SLC39A9: variants seen among roughly 807,000 people sequenced by gnomAD.
The protein encoded by SLC39A9 is solute carrier family 39 member 9, also known as zinc transporter ZIP9.
Under a neutral mutation model 28.4 loss-of-function variants are expected in SLC39A9, and 14 were observed. The ratio of observed to expected loss-of-function variants is 0.49; its 90% CI spans 0.33 to 0.77. SLC39A9 has a LOEUF of 0.77. Ranked by LOEUF, SLC39A9 falls within the 30% of genes least tolerant of loss-of-function variation. SLC39A9 has a pLI of 0.02. For missense variants in SLC39A9, 283 were observed against 381.1 expected (o/e 0.74, Z 2.14); for synonymous variants, 119 against 149.6 (o/e 0.80, Z 1.49).
At chr14:69,428,988 A>C (rs1050723689) in intron 2 of SLC39A9, 11 of 152,322 alleles carry the variant, frequency 7.2e-5, no homozygotes, top group African/African-American at 2.7e-4. Context: ...TGCTCTCATC[A>C]GACAAGGGCA....
chr14:69,458,266 C>T lies in SLC39A9; in HGVS notation c.694-97C>T, dbSNP rs747169093. On this transcript the variant is annotated intron_variant, in intron 6 of 6. Transcript: ENST00000336643. ...GATGTCCCCAGTGTCCTAGACAGCA[C>T]CAGTTAAGAACAGTGAGTGTTTTTT... 11 of 1,482,784 alleles carry T rather than the reference C, an allele frequency of 7.4e-6. No homozygotes were observed. In the South Asian group the frequency reaches 1.1e-4, roughly 15 times the overall value. 91.9% of individuals were successfully genotyped at this position (1,482,784 alleles called of 1,614,324 possible).
rs76655591 is a variant in SLC39A9, at chr14:69,460,998, A to G, written c.*2405A>G. On this transcript the variant is annotated 3_prime_UTR_variant, in exon 7 of 7. Coordinates refer to ENST00000336643, the MANE Select transcript of SLC39A9 (RefSeq NM_018375.5). Reference sequence around the variant, plus strand: ...GGTGGGCAGTATTCCAGGAGAGGCCATGTCCGTGTTCACTTCTTGGCACAT... The same window carrying G: ...GGTGGGCAGTATTCCAGGAGAGGCCGTGTCCGTGTTCACTTCTTGGCACAT... 584 of 985,576 alleles carry G rather than the reference A, an allele frequency of 5.9e-4. 4 individuals are homozygous for G. The African/African-American group carries it at 9.8e-3, about 17-fold the overall frequency. The allele number at this position is 985,576 out of a possible 1,614,324, so 61.1% of individuals were successfully genotyped here.
chr14:69,406,853 T>G (rs904602607), intron 1 of SLC39A9, among the ~76,000 whole-genome samples: 2 of 135,802 alleles, frequency 1.5e-5, no homozygotes, highest in African/African-American at 5.6e-5. Context: ...TCTTTGTTTT[T>G]TTTTTTTTTT....
intron 3 of SLC39A9, among the ~76,000 whole-genome samples, chr14:69,442,566 CTG>C (rs1281696580): frequency 6.6e-6 from 1 of 152,186 alleles, no homozygotes; most frequent in African/African-American, 2.4e-5. Context: ...AGTCTAAAGA[CTG>C]TGGACCTTTT....
At chr14:69,402,969 C>G (rs1403665684) in intron 1 of SLC39A9, among the ~76,000 whole-genome samples, 4 of 152,112 alleles carry the variant, frequency 2.6e-5, no homozygotes, top group Non-Finnish European at 5.9e-5. Context: ...GTAATCCCAG[C>G]TACTCAGGAG....
At chr14:69,416,733 C>T (rs537212071) in intron 1 of SLC39A9, among the ~76,000 whole-genome samples, 262 of 152,318 alleles carry the variant, frequency 1.7e-3, no homozygotes, top group African/African-American at 6.2e-3. Context: ...TGATGATGAG[C>T]ATTTTTTCAT....
intron 3 of SLC39A9, among the ~76,000 whole-genome samples, chr14:69,447,299 A>T (rs1885376428): frequency 6.6e-6 from 1 of 152,232 alleles, no homozygotes; most frequent in South Asian, 2.1e-4. Flanking sequence ...AATTCAAAAA[A>T]CCAGTGGAGA....
chr14:69,425,918 G>T (rs1038499932), intron 2 of SLC39A9, among the ~76,000 whole-genome samples: 1 of 152,022 alleles, frequency 6.6e-6, no homozygotes, highest in Non-Finnish European at 1.5e-5. Flanking sequence ...TCCCAAGTTG[G>T]CCTCCCAAAG....
At chr14:69,398,509 G>A, upstream of SLC39A9, 7 of 564,624 alleles carry the variant, frequency 1.2e-5, no homozygotes, top group South Asian at 2.0e-5. Flanking sequence ...GCTGTCTTCC[G>A]TACTTTCGTT....
chr14:69,400,203 T>C (rs1882555704), intron 1 of SLC39A9, among the ~76,000 whole-genome samples: 1 of 152,258 alleles, frequency 6.6e-6, no homozygotes, highest in Non-Finnish European at 1.5e-5. Flanking sequence ...AGAATGAATG[T>C]AAGAAAAAAC....
At chr14:69,398,453 A>G, upstream of SLC39A9, 1 of 619,960 alleles carries the variant, frequency 1.6e-6, no homozygotes, top group Non-Finnish European at 2.9e-6. Context: ...GCAAAAAGGT[A>G]AGGGAAAGTT....
upstream of SLC39A9, chr14:69,398,627 G>T: frequency 3.6e-6 from 1 of 278,470 alleles, no homozygotes; most frequent in East Asian, 1.0e-4. Context: ...GCCGGAGGTC[G>T]GTTGTAACCC....
intron 1 of SLC39A9, among the ~76,000 whole-genome samples, chr14:69,421,474 A>T (rs1334879753): frequency 6.6e-6 from 1 of 152,196 alleles, no homozygotes. Flanking sequence ...CCACTTGAGG[A>T]GGCAGTCTGT....
intron 3 of SLC39A9, among the ~76,000 whole-genome samples, chr14:69,451,906 G>A (rs1054251950): frequency 1.6e-4 from 24 of 152,080 alleles, no homozygotes; most frequent in African/African-American, 5.6e-4. Context: ...TGTAGAGATA[G>A]GGTCTTGTGA....
At chr14:69,408,164 C>T (rs1233962455) in intron 1 of SLC39A9, among the ~76,000 whole-genome samples, 1 of 152,104 alleles carries the variant, frequency 6.6e-6, no homozygotes, top group Non-Finnish European at 1.5e-5. Context: ...GGCTGCCTAC[C>T]AACACGCCCG....
At chr14:69,425,382 A>G (rs1459721277) in intron 2 of SLC39A9, among the ~76,000 whole-genome samples, 1 of 152,124 alleles carries the variant, frequency 6.6e-6, no homozygotes. Flanking sequence ...CTATCCTAAC[A>G]TTTGTCCTTT....
In SLC39A9 at chr14:69,442,232, C is replaced by T. The variant is rs1384718465; in HGVS notation, c.369C>T (p.Asp123=). 6.2e-7 allele frequency: 1 copy of T among 1,614,052 alleles called. No homozygotes were observed. Among genetic ancestry groups the T allele is most frequent in the East Asian group, 2.2e-5 (1 of 44,894 alleles). ...GCTTCGTTTTCATGTTGCTGGTGGA[C>T]CAGATTGGTAACTCCCATGTGCATT... ...VLGFVFMLLV[D]QIGNSHVHST... is the part of the protein sequence containing the mutation. The change falls in exon 3 of 7, where the codon GAC becomes GAT. Residue 123 remains aspartate, a synonymous_variant. Coordinates refer to ENST00000336643, the MANE Select transcript of SLC39A9 (RefSeq NM_018375.5).
chr14:69,438,826 A>C (rs1057322254), intron 2 of SLC39A9, among the ~76,000 whole-genome samples: 16 of 152,254 alleles, frequency 1.1e-4, no homozygotes, highest in African/African-American at 3.9e-4. Context: ...CATTTTTATC[A>C]GTTCTGTAAG....
At position 69,398,932 on chromosome 14, in the gene SLC39A9, C is replaced by T. The variant is rs890398075; in HGVS notation, c.-438C>T. ...GTTTCCTGCTCTGGGGGGCGGATCA[C>T]CTTCGGGGCCGCCTCTTGGAGACAG... is the stretch of plus-strand genomic sequence containing the variant. On this transcript the variant is annotated 5_prime_UTR_variant, in exon 1 of 7. Coordinates refer to ENST00000336643, the MANE Select transcript of SLC39A9 (RefSeq NM_018375.5). The T allele has an allele frequency of 5.1e-6, 1 of 197,888 alleles. No individual in the cohort carries two copies. Among genetic ancestry groups the T allele is most frequent in the Admixed American group, 6.3e-5 (1 of 15,972 alleles). 12.3% of individuals were successfully genotyped at this position (197,888 alleles called of 1,614,324 possible).
Sources: gnomAD v4.1 joint callset for allele counts (sites outside exome capture counted in the v4.1 genomes callset) on GRCh38, gnomAD v4.1.1 for gene constraint, MANE v1.5 for transcripts, NCBI Gene and HGNC (gene_info 2026-07-23, HGNC 2026-07-21) for gene names.